Variants in EDA observed in about 807,000 individuals in gnomAD.
EDA encodes ectodysplasin-A.
In EDA, 2 loss-of-function variants were observed where a neutral mutation model predicts 23.6. The observed-to-expected ratio is 0.08, with a 90% CI of 0.03 to 0.27. EDA has a LOEUF of 0.27. Ranked by LOEUF, EDA falls within the 10% of genes least tolerant of loss-of-function variation. EDA has a pLI of 1.00. For missense variants in EDA, 229 were observed against 324.2 expected, an observed-to-expected ratio of 0.71 and a Z score of 2.26; for synonymous variants, 131 against 132.0, an observed-to-expected ratio of 0.99 and a Z score of 0.05.
intron 1 of EDA, among the ~76,000 whole-genome samples, chrX:69,908,835 CT>C (rs2018216425): frequency 9.1e-6 from 1 of 109,471 alleles, no homozygotes; most frequent in African/African-American, 3.3e-5. Context: ...ACATTTTTTT[CT>C]GTTTAACATA....
chrX:69,787,675 G>C (rs1164942263), intron 1 of EDA, among the ~76,000 whole-genome samples: 1 of 111,578 alleles, frequency 9.0e-6, no homozygotes, highest in Non-Finnish European at 1.9e-5. Context: ...TTAGCCTGAT[G>C]GGCTTCCCTT....
intron 1 of EDA, among the ~76,000 whole-genome samples, chrX:69,826,725 A>T (rs1219858539): frequency 2.8e-5 from 3 of 108,383 alleles, no homozygotes; most frequent in African/African-American, 1.0e-4. Context: ...GTTATGTGTG[A>T]ATTTGATCCT....
At chrX:69,799,912 T>C (rs2015640280) in intron 1 of EDA, among the ~76,000 whole-genome samples, 1 of 111,574 alleles carries the variant, frequency 9.0e-6, no homozygotes, top group African/African-American at 3.2e-5. Context: ...CAGAGATACA[T>C]GCACGCTCAT....
At chrX:69,679,512 T>C (rs773846762) in intron 1 of EDA, among the ~76,000 whole-genome samples, 152 of 111,824 alleles carry the variant, frequency 1.4e-3, no homozygotes, top group African/African-American at 4.9e-3. Context: ...GTTATTGGTC[T>C]ATTCAGAGAT....
intron 2 of EDA, among the ~76,000 whole-genome samples, chrX:70,000,307 T>G (rs1332730240): frequency 8.9e-6 from 1 of 112,201 alleles, no homozygotes; most frequent in African/African-American, 3.2e-5. Context: ...CAGATATTGT[T>G]CTATAGCTAG....
intron 3 of EDA, among the ~76,000 whole-genome samples, chrX:70,024,181 T>C (rs1602615393): frequency 8.9e-6 from 1 of 112,854 alleles, no homozygotes; most frequent in East Asian, 2.8e-4. Context: ...TGCTGTGTGA[T>C]AAGATTTATG....
At chrX:69,973,916 A>G (rs1036690012) in intron 2 of EDA, among the ~76,000 whole-genome samples, 2 of 111,144 alleles carry the variant, frequency 1.8e-5, no homozygotes, top group African/African-American at 6.5e-5. Flanking sequence ...GAAGCAAGTC[A>G]TCTCGGACCT....
chrX:70,015,094 A>G (rs2019927786), intron 2 of EDA, among the ~76,000 whole-genome samples: 1 of 111,514 alleles, frequency 9.0e-6, no homozygotes, highest in African/African-American at 3.3e-5. Context: ...GTACAAGACA[A>G]CCATCCCCAA....
chrX:70,035,316 T>C (rs1285809224), intron 7 of EDA, 42 bp from the exon 8 acceptor site: 1 of 1,198,230 alleles, frequency 8.3e-7, no homozygotes, highest in Non-Finnish European at 1.1e-6. Context: ...CCACCCTCTC[T>C]TTCCTCTCTT....
chrX:69,685,767 A>T (rs1934520357), intron 1 of EDA, among the ~76,000 whole-genome samples: 1 of 111,986 alleles, frequency 8.9e-6, no homozygotes, highest in Admixed American at 9.5e-5. Flanking sequence ...TAACCTCTAC[A>T]AACTACACAG....
intron 1 of EDA, among the ~76,000 whole-genome samples, chrX:69,870,141 G>T: frequency 9.0e-6 from 1 of 111,326 alleles, no homozygotes; most frequent in South Asian, 3.8e-4. Context: ...CCATATTTCA[G>T]CTAACCAAGC....
chrX:69,841,578 T>G (rs1442519995), intron 1 of EDA, among the ~76,000 whole-genome samples: 1 of 111,128 alleles, frequency 9.0e-6, no homozygotes, highest in South Asian at 3.8e-4. Flanking sequence ...CTCGAACTCC[T>G]GAGCTCAAGC....
chrX:69,819,868 GA>G (rs1335677898), intron 1 of EDA, among the ~76,000 whole-genome samples: 1 of 39,591 alleles, frequency 2.5e-5, no homozygotes, highest in Non-Finnish European at 3.7e-5. Context: ...AACAGAATTA[GA>G]AAAAACTTTT....
At chrX:69,979,428 G>A (rs1013688254) in intron 2 of EDA, among the ~76,000 whole-genome samples, 1 of 111,753 alleles carries the variant, frequency 8.9e-6, no homozygotes, top group African/African-American at 3.2e-5. Context: ...GAATTGCTGG[G>A]CCAAATGTTA....
At chrX:69,713,095 G>T (rs2012147057) in intron 1 of EDA, among the ~76,000 whole-genome samples, 1 of 108,008 alleles carries the variant, frequency 9.3e-6, no homozygotes, top group Non-Finnish European at 1.9e-5. Flanking sequence ...ATAGCATTAG[G>T]AGATATACCT....
intron 1 of EDA, among the ~76,000 whole-genome samples, chrX:69,856,908 A>G (rs983343746): frequency 9.0e-6 from 1 of 111,228 alleles, no homozygotes; most frequent in Non-Finnish European, 1.9e-5. Context: ...TTTTTGTTGC[A>G]TTTGCTTTTG....
At position 69,828,357 on chromosome X, in the gene EDA, G is replaced by T. The variant is rs180696343; in HGVS notation, c.397-128670G>T. Among the ~76,000 whole-genome samples, 1,123 of 112,360 alleles carry T rather than the reference G, an allele frequency of 1.0e-2. 11 individuals are homozygous for T. The highest frequency in any genetic ancestry group is 0.034 in the African/African-American group (1,046 of 30,956). ...CTGTGCTAGCAATCAGCGAGACTCC[G>T]TGGGCGTAGGACCCTCCGAGTCAGG... On this transcript the variant is annotated intron_variant, in intron 1 of 7. Transcript: ENST00000374552.
intron 1 of EDA, among the ~76,000 whole-genome samples, chrX:69,952,241 G>A (rs2018938087): frequency 8.9e-6 from 1 of 111,764 alleles, no homozygotes; most frequent in Non-Finnish European, 1.9e-5. Context: ...TCATTCTGCT[G>A]ATAAAGGCAT....
chrX:69,692,655 C>T (rs1934746016), intron 1 of EDA, among the ~76,000 whole-genome samples: 1 of 111,807 alleles, frequency 8.9e-6, no homozygotes, highest in Non-Finnish European at 1.9e-5. Context: ...ACACAGTGCC[C>T]AGTTCATTGT....
Sources: allele counts gnomAD v4.1 joint callset (sites outside exome capture counted in the v4.1 genomes callset), GRCh38; gene constraint gnomAD v4.1.1; transcripts MANE v1.5; gene names NCBI Gene and HGNC (gene_info 2026-07-23, HGNC 2026-07-21).